DIAPH3: variants seen among roughly 807,000 people sequenced by gnomAD.
The protein encoded by DIAPH3 is diaphanous related formin 3, also known as protein diaphanous homolog 3.
DIAPH3 carries 117 observed loss-of-function variants against 144.3 expected under a neutral mutation model. That is an observed-to-expected ratio of 0.81 (90% CI 0.70 to 0.95). The LOEUF is 0.95. Among genes scored for constraint, DIAPH3 ranks in the 40% least tolerant of loss-of-function variants. The pLI is 0.00. For missense variants in DIAPH3, 1,421 were observed against 1,412.7 expected, an observed-to-expected ratio of 1.01 and a Z score of -0.09; for synonymous variants, 519 against 488.9, an observed-to-expected ratio of 1.06 and a Z score of -0.81.
chr13:60,074,871 T>C (rs2141369791), intron 4 of DIAPH3, among the ~76,000 whole-genome samples: 1 of 152,308 alleles, frequency 6.6e-6, no homozygotes, highest in East Asian at 1.9e-4. Flanking sequence ...ATAAATTACT[T>C]AATCATGTCT....
intron 17 of DIAPH3, among the ~76,000 whole-genome samples, chr13:59,926,276 C>T (rs1274804494): frequency 1.3e-5 from 2 of 152,150 alleles, no homozygotes; most frequent in African/African-American, 4.8e-5. Flanking sequence ...GTGTGAGCCA[C>T]CTCACCCAGC....
At chr13:59,999,166 G>C (rs2052379215) in intron 9 of DIAPH3, among the ~76,000 whole-genome samples, 1 of 152,012 alleles carries the variant, frequency 6.6e-6, no homozygotes, top group African/African-American at 2.4e-5. Context: ...CCTCTAATTT[G>C]TTTTAATGTG....
intron 23 of DIAPH3, among the ~76,000 whole-genome samples, chr13:59,835,301 A>G (rs1407488714): frequency 6.6e-6 from 1 of 151,792 alleles, no homozygotes; most frequent in East Asian, 1.9e-4. Context: ...GAAACATTTT[A>G]GAGTATGGAG....
chr13:59,950,971 A>G (rs2049066326), intron 17 of DIAPH3, among the ~76,000 whole-genome samples: 1 of 152,062 alleles, frequency 6.6e-6, no homozygotes. Flanking sequence ...TCTTTCATCA[A>G]TTTTCTAAAT....
intron 8 of DIAPH3, among the ~76,000 whole-genome samples, chr13:60,009,616 T>C (rs2140942805): frequency 6.6e-6 from 1 of 152,346 alleles, no homozygotes; most frequent in Non-Finnish European, 1.5e-5. Context: ...CGCTTGGGAC[T>C]GCTGCTGGGT....
At chr13:60,024,858 A>G (rs2054272709) in intron 5 of DIAPH3, among the ~76,000 whole-genome samples, 1 of 152,204 alleles carries the variant, frequency 6.6e-6, no homozygotes, top group Non-Finnish European at 1.5e-5. Flanking sequence ...ATGGGAATCT[A>G]GGTACTCCCT....
At chr13:59,903,815 T>G (rs2046583112) in intron 20 of DIAPH3, among the ~76,000 whole-genome samples, 1 of 152,246 alleles carries the variant, frequency 6.6e-6, no homozygotes, top group Non-Finnish European at 1.5e-5. Context: ...GTTCATCTAT[T>G]CTTTATTTCA....
rs1030610641 is a variant in DIAPH3 at position 59,974,960 on chromosome 13, A to G, written c.1546-504T>C. On this transcript the variant is annotated intron_variant, in intron 14 of 27. Coordinates refer to ENST00000400324, the MANE Select transcript of DIAPH3 (RefSeq NM_001042517.2). ...TAACTTTTTTTCTTGTAACAACATA[A>G]TATCTCCTGATATCTTTGGGAAAGT... Among the ~76,000 whole-genome samples, 3 of 152,164 alleles carry G rather than the reference A, an allele frequency of 2.0e-5. 1 individual carries two copies. The highest frequency in any genetic ancestry group is 4.4e-5 in the Non-Finnish European group (3 of 67,994).
chr13:59,912,445 G>A (rs1000378570), intron 19 of DIAPH3, among the ~76,000 whole-genome samples: 2 of 152,098 alleles, frequency 1.3e-5, no homozygotes, highest in Non-Finnish European at 2.9e-5. Context: ...GATATACCTT[G>A]CAGATAAAAG....
At chr13:60,070,691 C>T (rs1434865024) in intron 4 of DIAPH3, among the ~76,000 whole-genome samples, 2 of 152,142 alleles carry the variant, frequency 1.3e-5, no homozygotes, top group Non-Finnish European at 2.9e-5. Context: ...GCTTCTGTCA[C>T]TGACAACAAA....
chr13:59,844,358 G>T (rs1332863260), intron 22 of DIAPH3, among the ~76,000 whole-genome samples: 1 of 151,840 alleles, frequency 6.6e-6, no homozygotes, highest in Non-Finnish European at 1.5e-5. Context: ...TAAAAAATTA[G>T]CCAGGCGTGG....
At chr13:59,717,532 A>G (rs79660554) in intron 27 of DIAPH3, among the ~76,000 whole-genome samples, 2,525 of 152,308 alleles carry the variant, frequency 0.017, 73 homozygotes, top group East Asian at 0.12. Flanking sequence ...CCACTCACTC[A>G]GACCATTTGG....
Position 60,093,643 on chromosome 13 carries a change from A to G in DIAPH3, c.480T>C (p.Asn160=), listed in dbSNP as rs1594646559. ...TTTTACTTACTGTCTTAGAAGCAGTATTAATGTACTGCATCACCATTTCTT... is the reference window on the plus strand; with the variant it reads ...TTTTACTTACTGTCTTAGAAGCAGTGTTAATGTACTGCATCACCATTTCTT... ...IKKEMVMQYI[N]TASKTGSLKR... The change falls in exon 4 of 28, where the codon AAT becomes AAC. Residue 160 remains asparagine (N), a synonymous_variant. Transcript: ENST00000400324. The G allele has an allele frequency of 1.2e-6, 2 of 1,609,680 alleles. No individual in the cohort carries two copies. Among genetic ancestry groups the G allele is most frequent in the East Asian group, 4.5e-5 (2 of 44,762 alleles).
At chr13:59,678,879 C>G (rs2032780856) in intron 27 of DIAPH3, among the ~76,000 whole-genome samples, 1 of 152,062 alleles carries the variant, frequency 6.6e-6, no homozygotes, top group Middle Eastern at 3.2e-3. Flanking sequence ...TCATTAAATA[C>G]AGATAAATGT....
intron 27 of DIAPH3, among the ~76,000 whole-genome samples, chr13:59,736,556 G>A (rs1266359835): frequency 6.6e-6 from 1 of 151,890 alleles, no homozygotes; most frequent in Non-Finnish European, 1.5e-5. Flanking sequence ...GTCTTCTTTT[G>A]AGAAGTGTCA....
At chr13:59,955,582 T>C (rs2049356171) in intron 17 of DIAPH3, among the ~76,000 whole-genome samples, 1 of 152,148 alleles carries the variant, frequency 6.6e-6, no homozygotes, top group South Asian at 2.1e-4. Context: ...TGGGCGCTGC[T>C]GTAAAGATAC....
At chr13:59,755,267 G>A (rs1307694487) in intron 27 of DIAPH3, among the ~76,000 whole-genome samples, 1 of 152,056 alleles carries the variant, frequency 6.6e-6, no homozygotes, top group Admixed American at 6.5e-5. Context: ...CACAGCCAGG[G>A]CAAGGTCAAG....
intron 27 of DIAPH3, among the ~76,000 whole-genome samples, chr13:59,680,672 T>C (rs1422335078): frequency 1.3e-5 from 2 of 152,098 alleles, no homozygotes; most frequent in African/African-American, 2.4e-5. Flanking sequence ...TGGGGCATTA[T>C]AGTTCCCTGA....
At chr13:59,926,011 G>T (rs890161204) in intron 17 of DIAPH3, among the ~76,000 whole-genome samples, 2 of 151,750 alleles carry the variant, frequency 1.3e-5, no homozygotes, top group Admixed American at 6.6e-5. Context: ...TTTGAGACAG[G>T]GTCTCACTCT....
Sources: allele counts gnomAD v4.1 joint callset (sites outside exome capture counted in the v4.1 genomes callset), GRCh38; gene constraint gnomAD v4.1.1; transcripts MANE v1.5; gene names NCBI Gene and HGNC (gene_info 2026-07-23, HGNC 2026-07-21).